Variants in RGS6 observed in about 807,000 individuals in gnomAD.
RGS6 encodes the protein regulator of G-protein signaling 6.
In RGS6, 30 loss-of-function variants were observed where a neutral mutation model predicts 78.5. The ratio of observed to expected loss-of-function variants is 0.38; its 90% CI spans 0.29 to 0.52. The LOEUF is 0.52. Among genes scored for constraint, RGS6 ranks in the 20% least tolerant of loss-of-function variants. The probability of loss-of-function intolerance (pLI) is 0.85; values close to 1 mark genes in which losing one functional copy is unlikely to be tolerated. For missense variants in RGS6, 495 were observed against 609.7 expected, an observed-to-expected ratio of 0.81 and a Z score of 1.98; for synonymous variants, 206 against 206.0, an observed-to-expected ratio of 1.00 and a Z score of 0.00.
chr14:72,147,221 C>A (rs1358159577), intron 2 of RGS6, among the ~76,000 whole-genome samples: 1 of 152,238 alleles, frequency 6.6e-6, no homozygotes, highest in East Asian at 1.9e-4. Context: ...CCAAATTCTT[C>A]CAGCCTCTAC....
chr14:72,504,437 A>G (rs991645452), intron 13 of RGS6, among the ~76,000 whole-genome samples: 3 of 152,252 alleles, frequency 2.0e-5, no homozygotes, highest in East Asian at 1.9e-4. Flanking sequence ...TACCTTTCAC[A>G]GAATACTAGA....
chr14:72,073,495 G>A (rs2094475107), intron 2 of RGS6, among the ~76,000 whole-genome samples: 1 of 152,116 alleles, frequency 6.6e-6, no homozygotes, highest in African/African-American at 2.4e-5. Context: ...ATAGTGGGTG[G>A]TCCGAGCCTG....
intron 3 of RGS6, among the ~76,000 whole-genome samples, chr14:72,415,957 G>A (rs2093779560): frequency 6.6e-6 from 1 of 152,228 alleles, no homozygotes; most frequent in East Asian, 1.9e-4. Context: ...AGACCAGCCT[G>A]ACCAACGTGG....
chr14:72,296,046 C>G (rs2064751014), intron 2 of RGS6, among the ~76,000 whole-genome samples: 2 of 152,210 alleles, frequency 1.3e-5, no homozygotes, highest in South Asian at 4.1e-4. Context: ...CAGAAGCAAT[C>G]ACAGATGTGA....
intron 2 of RGS6, among the ~76,000 whole-genome samples, chr14:72,346,226 G>GTTTTTTTTTT: frequency 6.6e-6 from 1 of 152,146 alleles, no homozygotes; most frequent in African/African-American, 2.4e-5. Context: ...TATACTTTAA[G>GTTTTTTTTTT]TTTTTAACAT....
intron 2 of RGS6, among the ~76,000 whole-genome samples, chr14:72,169,702 G>T (rs1277084546): frequency 2.6e-5 from 4 of 152,272 alleles, no homozygotes; most frequent in Admixed American, 2.6e-4. Context: ...CTTACAGATG[G>T]CTGTGGCCAT....
At chr14:72,326,998 C>T (rs750490718) in intron 2 of RGS6, among the ~76,000 whole-genome samples, 32 of 152,310 alleles carry the variant, frequency 2.1e-4, no homozygotes, top group Non-Finnish European at 2.6e-4. Flanking sequence ...TGAGCCGTTG[C>T]GCCCGGCCAG....
intron 2 of RGS6, among the ~76,000 whole-genome samples, chr14:72,051,233 A>G (rs1023702183): frequency 1.3e-5 from 2 of 152,198 alleles, no homozygotes; most frequent in Non-Finnish European, 2.9e-5. Context: ...TATTTGGACA[A>G]TAAATAGATG....
chr14:72,480,346 C>T (rs1006502341), intron 12 of RGS6, among the ~76,000 whole-genome samples: 10 of 152,074 alleles, frequency 6.6e-5, no homozygotes, highest in African/African-American at 1.7e-4. Flanking sequence ...AAGGTGGAGG[C>T]GGGGAGCCCG....
At chr14:72,441,087 G>C (rs1275181440) in intron 3 of RGS6, among the ~76,000 whole-genome samples, 3 of 152,174 alleles carry the variant, frequency 2.0e-5, no homozygotes, top group African/African-American at 7.2e-5. Flanking sequence ...AGTGTGTGCA[G>C]GTACAGCTTC....
chr14:72,393,490 T>A (rs777085640), intron 3 of RGS6, among the ~76,000 whole-genome samples: 8 of 152,154 alleles, frequency 5.3e-5, no homozygotes, highest in Non-Finnish European at 1.2e-4. Context: ...AATCCTTTTT[T>A]CAGATAATGA....
chr14:72,163,015 A>G (rs1301585306), intron 2 of RGS6, among the ~76,000 whole-genome samples: 1 of 152,166 alleles, frequency 6.6e-6, no homozygotes, highest in Non-Finnish European at 1.5e-5. Context: ...GCAAAGGCAT[A>G]AGAATAATAC....
At chr14:72,495,914 C>T (rs749478716) in intron 13 of RGS6, among the ~76,000 whole-genome samples, 52 of 152,158 alleles carry the variant, frequency 3.4e-4, no homozygotes, top group Non-Finnish European at 6.9e-4. Context: ...GGACTTGGAC[C>T]ACTTTCAGAA....
the RGS6 span, among the ~76,000 whole-genome samples, chr14:71,914,059 A>G: frequency 6.6e-6 from 1 of 152,194 alleles, no homozygotes; most frequent in Admixed American, 6.5e-5. Flanking sequence ...GATCACAGGA[A>G]GCACAGTGTT....
At chr14:72,098,837 A>G (rs186460949) in intron 2 of RGS6, among the ~76,000 whole-genome samples, 1 of 152,260 alleles carries the variant, frequency 6.6e-6, no homozygotes, top group Non-Finnish European at 1.5e-5. Flanking sequence ...AAGTTGTTCT[A>G]GAAAATGTCT....
intron 2 of RGS6, among the ~76,000 whole-genome samples, chr14:72,218,265 C>G (rs1284267632): frequency 6.6e-6 from 1 of 151,954 alleles, no homozygotes; most frequent in Non-Finnish European, 1.5e-5. Context: ...ATATGACTTT[C>G]CTAAAAGCTT....
intron 2 of RGS6, among the ~76,000 whole-genome samples, chr14:72,206,719 T>C (rs985538023): frequency 6.6e-5 from 10 of 152,104 alleles, no homozygotes; most frequent in African/African-American, 2.4e-4. Flanking sequence ...TTCGCTATCA[T>C]GAGAACAATG....
intron 2 of RGS6, among the ~76,000 whole-genome samples, chr14:72,326,912 T>G (rs1490862376): frequency 6.6e-6 from 1 of 152,154 alleles, no homozygotes; most frequent in Non-Finnish European, 1.5e-5. Context: ...TTTCACTGTG[T>G]TAGCCAGGAT....
At chr14:72,226,964 G>C (rs757189832) in intron 2 of RGS6, among the ~76,000 whole-genome samples, 3 of 152,176 alleles carry the variant, frequency 2.0e-5, no homozygotes, top group Non-Finnish European at 4.4e-5. Flanking sequence ...AGGCATTACA[G>C]GCGTGAGCCA....
Sources: gnomAD v4.1 joint callset for allele counts (sites outside exome capture counted in the v4.1 genomes callset) on GRCh38, gnomAD v4.1.1 for gene constraint, MANE v1.5 for transcripts, NCBI Gene and HGNC (gene_info 2026-07-23, HGNC 2026-07-21) for gene names.